The following LIX1 variants were observed in gnomAD, a reference collection of about 807,000 sequenced individuals.
LIX1 encodes the protein limb and CNS expressed 1.
Under a neutral mutation model 33.4 loss-of-function variants are expected in LIX1, and 24 were observed. That is an observed-to-expected ratio of 0.72 (90% CI 0.52 to 1.01). The LOEUF (loss-of-function observed/expected upper bound fraction) is 1.01. Among genes scored for constraint, LIX1 ranks in the 50% least tolerant of loss-of-function variants. LIX1 has a pLI of 0.00. For missense variants in LIX1, 311 were observed against 339.2 expected, an observed-to-expected ratio of 0.92 and a Z score of 0.65; for synonymous variants, 124 against 124.0, an observed-to-expected ratio of 1.00 and a Z score of 0.00.
chr5:97,127,348 T>G (rs1305451918), intron 1 of LIX1, among the ~76,000 whole-genome samples: 1 of 152,214 alleles, frequency 6.6e-6, no homozygotes, highest in Non-Finnish European at 1.5e-5. Flanking sequence ...TTTGAAGGTA[T>G]GCACTAAGTC....
intron 4 of LIX1, among the ~76,000 whole-genome samples, chr5:97,098,085 G>C (rs1484381634): frequency 1.3e-5 from 2 of 152,206 alleles, no homozygotes; most frequent in African/African-American, 4.8e-5. Flanking sequence ...AAAATTGCAA[G>C]TAAAAGTCAG....
At position 97,117,650 on chromosome 5, in the gene LIX1, A is replaced by G. The variant is rs541442413; in HGVS notation, c.246+6816T>C. On this transcript the variant is annotated intron_variant, in intron 2 of 5. Coordinates refer to ENST00000274382, the MANE Select transcript of LIX1 (RefSeq NM_153234.5). ...CTGGTAATGCAGATTAAGTTTGCTTACTGCCTTAAGTAACTAAAATAAAAC... is the reference window on the plus strand; with the variant it reads ...CTGGTAATGCAGATTAAGTTTGCTTGCTGCCTTAAGTAACTAAAATAAAAC... 1.4e-4 allele frequency among the ~76,000 whole-genome samples: 21 copies of G among 152,344 alleles called. No individual in the cohort carries two copies. The South Asian group carries it at 4.3e-3, about 32-fold the overall frequency.
At position 97,096,793 on chromosome 5, in the gene LIX1, T is replaced by C; in HGVS notation, c.561+17A>G. 1 of 1,588,878 alleles carries C rather than the reference T, an allele frequency of 6.3e-7. No homozygotes were observed. On this transcript the variant is annotated intron_variant, in intron 5 of 5. Transcript: ENST00000274382. ...AGTTCATATAACACAGACTTAGACT[T>C]GATTAGAAAATCTTACCTGTCGGGA... is the stretch of plus-strand genomic sequence containing the variant.
chr5:97,103,200 C>T, intron 4 of LIX1: 1 of 383,412 alleles, frequency 2.6e-6, no homozygotes, highest in South Asian at 2.0e-5. Flanking sequence ...AAAAAAAGGA[C>T]CTTTTACAGA....
chr5:97,120,501 G>A (rs1233497902), intron 2 of LIX1, among the ~76,000 whole-genome samples: 1 of 152,142 alleles, frequency 6.6e-6, no homozygotes, highest in African/African-American at 2.4e-5. Context: ...ACTGCTTTGG[G>A]AAATCACAGG....
intron 2 of LIX1, among the ~76,000 whole-genome samples, chr5:97,120,081 A>G (rs997572533): frequency 6.6e-6 from 1 of 152,208 alleles, no homozygotes; most frequent in Non-Finnish European, 1.5e-5. Context: ...AGAGAATCAT[A>G]AGATATTTTT....
At chr5:97,116,334 C>G (rs1025792320) in intron 2 of LIX1, among the ~76,000 whole-genome samples, 2 of 152,120 alleles carry the variant, frequency 1.3e-5, no homozygotes, top group African/African-American at 4.8e-5. Context: ...AACTCAGTCA[C>G]CCAAGTTAAT....
rs1184516081 is a variant in LIX1, at chr5:97,124,615, T to C, written c.97A>G (p.Met33Val). The change falls in exon 2 of 6, where the codon ATG becomes GTG. Residue 33 changes from methionine (M) to valine (V), a missense_variant. By Grantham distance (21) the Met-to-Val change is conservative (BLOSUM62 1). Coordinates refer to ENST00000274382, the MANE Select transcript of LIX1 (RefSeq NM_153234.5). Reference sequence around the variant, plus strand: ...TTGCTTTCCCAAAATTCCTGTAACATTGACACAACGTTCACTGAAAAAGAC... The same window carrying C: ...TTGCTTTCCCAAAATTCCTGTAACACTGACACAACGTTCACTGAAAAAGAC... ...LVFKDLNVVS[M>V]LQEFWESKQQ... 8 of 1,611,106 alleles carry C rather than the reference T, an allele frequency of 5.0e-6. No individual in the cohort carries two copies. The Admixed American group carries it at 5.0e-5, about 10-fold the overall frequency.
At chr5:97,098,573 A>G (rs950745302) in intron 4 of LIX1, among the ~76,000 whole-genome samples, 2 of 152,180 alleles carry the variant, frequency 1.3e-5, no homozygotes, top group African/African-American at 4.8e-5. Flanking sequence ...ACATAGACAG[A>G]TGTCCTACTG....
chr5:97,134,403 A>G (rs924532665), intron 1 of LIX1, among the ~76,000 whole-genome samples: 3 of 152,368 alleles, frequency 2.0e-5, no homozygotes, highest in African/African-American at 7.2e-5. Context: ...TATAGGCGTG[A>G]GCCACCGTGC....
chr5:97,095,811 G>A (rs775783382), intron 5 of LIX1, among the ~76,000 whole-genome samples: 1 of 152,080 alleles, frequency 6.6e-6, no homozygotes, highest in African/African-American at 2.4e-5. Context: ...AGAACATATG[G>A]TATGCATTTA....
chr5:97,136,288 T>A (rs1161014830), intron 1 of LIX1, among the ~76,000 whole-genome samples: 1 of 152,238 alleles, frequency 6.6e-6, no homozygotes, highest in African/African-American at 2.4e-5. Context: ...TTCTGTATCA[T>A]CTGGCTATCA....
chr5:97,136,137 T>G (rs368474148), intron 1 of LIX1, among the ~76,000 whole-genome samples: 1 of 152,106 alleles, frequency 6.6e-6, no homozygotes, highest in African/African-American at 2.4e-5. Flanking sequence ...AATGGATGAA[T>G]GTAAGGATGG....
At chr5:97,105,159 TCAAA>T (rs745647804) in intron 4 of LIX1, 27 bp downstream of exon 4, 5 of 1,572,288 alleles carry the variant, frequency 3.2e-6, no homozygotes, top group Admixed American at 1.7e-5. Context: ...GATTGGATAA[TCAAA>T]CAAATATGTG....
At chr5:97,101,257 G>A (rs917268090) in intron 4 of LIX1, among the ~76,000 whole-genome samples, 68 of 152,166 alleles carry the variant, frequency 4.5e-4, no homozygotes, top group Middle Eastern at 6.8e-3. Context: ...TGATTATGAA[G>A]TTTTTAAGCA....
intron 2 of LIX1, among the ~76,000 whole-genome samples, chr5:97,109,252 G>A (rs960435209): frequency 5.3e-5 from 8 of 151,986 alleles, no homozygotes; most frequent in African/African-American, 1.4e-4. Flanking sequence ...CCTGGGAGGA[G>A]CCCTCATATA....
chr5:97,121,151 A>G (rs1459000971), intron 2 of LIX1, among the ~76,000 whole-genome samples: 5 of 152,152 alleles, frequency 3.3e-5, no homozygotes, highest in Non-Finnish European at 7.4e-5. Context: ...AGCTACGTAT[A>G]TGTTCAATCT....
At chr5:97,104,093 T>A (rs10043135) in intron 4 of LIX1, among the ~76,000 whole-genome samples, 57,364 of 152,072 alleles carry the variant, frequency 0.38, 13,855 homozygotes, top group African/African-American at 0.7. Context: ...ATGGGGACAT[T>A]TCCATCTGAG....
intron 2 of LIX1, among the ~76,000 whole-genome samples, chr5:97,115,814 G>T (rs1162093359): frequency 2.0e-5 from 3 of 151,752 alleles, no homozygotes; most frequent in Non-Finnish European, 4.4e-5. Context: ...GTATCTATTT[G>T]CAGATTCAAA....
Sources: allele counts gnomAD v4.1 joint callset (sites outside exome capture counted in the v4.1 genomes callset), GRCh38; gene constraint gnomAD v4.1.1; transcripts MANE v1.5; gene names NCBI Gene and HGNC (gene_info 2026-07-23, HGNC 2026-07-21).